BCAS3: variants seen among roughly 807,000 people sequenced by gnomAD.
BCAS3 encodes the protein BCAS4/BCAS3 fusion.
Under a neutral mutation model 116.1 loss-of-function variants are expected in BCAS3, and 53 were observed. The observed-to-expected ratio is 0.46, with a 90% confidence interval of 0.37 to 0.57. The LOEUF (loss-of-function observed/expected upper bound fraction) is 0.57. Ranked by LOEUF, BCAS3 falls within the 20% of genes least tolerant of loss-of-function variation. BCAS3 has a pLI of 0.00. For missense variants in BCAS3, 917 were observed against 1,165.4 expected, an observed-to-expected ratio of 0.79 and a Z score of 3.10; for synonymous variants, 391 against 408.2, an observed-to-expected ratio of 0.96 and a Z score of 0.51.
intron 7 of BCAS3, among the ~76,000 whole-genome samples, chr17:60,824,496 G>C (rs1598963520): frequency 6.6e-6 from 1 of 152,082 alleles, no homozygotes; most frequent in Non-Finnish European, 1.5e-5. Flanking sequence ...TTCCCTAGTA[G>C]CCCAGGCTTT....
intron 5 of BCAS3, among the ~76,000 whole-genome samples, chr17:60,718,875 CATG>C (rs2144077170): frequency 6.6e-6 from 1 of 152,172 alleles, no homozygotes; most frequent in Non-Finnish European, 1.5e-5. Flanking sequence ...TCCTGGCTAA[CATG>C]GTGAAACGCA....
chr17:61,254,018 G>A (rs982591058), intron 22 of BCAS3, among the ~76,000 whole-genome samples: 3 of 152,004 alleles, frequency 2.0e-5, no homozygotes, highest in Non-Finnish European at 4.4e-5. Context: ...AATTCCTTTA[G>A]CCTTTCTTCT....
chr17:60,932,673 C>T (rs761897201), intron 13 of BCAS3, among the ~76,000 whole-genome samples: 6 of 129,310 alleles, frequency 4.6e-5, no homozygotes, highest in Non-Finnish European at 7.8e-5. Flanking sequence ...ACTTGGGAGG[C>T]GGAGCTTGCA....
chr17:60,695,050 G>A (rs2035397718), intron 4 of BCAS3, among the ~76,000 whole-genome samples: 1 of 151,012 alleles, frequency 6.6e-6, no homozygotes, highest in Admixed American at 6.6e-5. Context: ...GTTCATTCAT[G>A]TTGTAGCATG....
chr17:61,370,522 A>G (rs1195520443), intron 23 of BCAS3, among the ~76,000 whole-genome samples: 2 of 152,018 alleles, frequency 1.3e-5, no homozygotes, highest in East Asian at 3.9e-4. Flanking sequence ...CTGAGTAGCT[A>G]TGATTACAGG....
At position 61,140,943 on chromosome 17, in the gene BCAS3, G is replaced by A. The variant is rs942587983; in HGVS notation, c.2425+56379G>A. Reference sequence around the variant, plus strand: ...CCCTGTGCTCTTTGTCCATTTGAGTGTTTTTTTTTTCCCCCAAAAGTATAA... The same window carrying A: ...CCCTGTGCTCTTTGTCCATTTGAGTATTTTTTTTTTCCCCCAAAAGTATAA... On this transcript the variant is annotated intron_variant, in intron 22 of 23. Coordinates refer to ENST00000407086, the MANE Select transcript of BCAS3 (RefSeq NM_017679.5). This position sits in a 1 kb window ranked among gnomAD's most constrained non-coding sequence, Gnocchi z 4.2. Among the ~76,000 whole-genome samples the A allele has an allele frequency of 1.4e-5, 2 of 148,018 alleles. No individual in the cohort carries two copies. Among genetic ancestry groups the A allele is most frequent in the African/African-American group, 5.0e-5 (2 of 40,268 alleles).
chr17:60,784,454 A>G (rs1375961423), intron 6 of BCAS3, among the ~76,000 whole-genome samples: 2 of 142,640 alleles, frequency 1.4e-5, no homozygotes, highest in African/African-American at 6.1e-5. Context: ...GCCCGCCACC[A>G]TGCCCGGATA....
chr17:61,081,867 T>C (rs1441483683), intron 21 of BCAS3, among the ~76,000 whole-genome samples: 1 of 152,228 alleles, frequency 6.6e-6, no homozygotes, highest in African/African-American at 2.4e-5. Context: ...ACCATTGGCT[T>C]TACTTTCTCT....
chr17:61,110,036 T>C (rs1309240269), intron 22 of BCAS3, among the ~76,000 whole-genome samples: 1 of 152,210 alleles, frequency 6.6e-6, no homozygotes, highest in Non-Finnish European at 1.5e-5. Context: ...CTAGAAGGGT[T>C]TCTTCTGATG....
At chr17:61,375,613 A>C (rs1458055325) in intron 23 of BCAS3, among the ~76,000 whole-genome samples, 3 of 143,454 alleles carry the variant, frequency 2.1e-5, no homozygotes, top group African/African-American at 7.9e-5. Context: ...TCTGTCACCC[A>C]GACTAGAGTG....
At chr17:60,983,020 A>G (rs1230090787) in intron 14 of BCAS3, among the ~76,000 whole-genome samples, 1 of 152,152 alleles carries the variant, frequency 6.6e-6, no homozygotes. Flanking sequence ...TTGACTAGTG[A>G]GTGTCTTAAA....
rs1462559315 is a variant in BCAS3, at chr17:60,962,365, A to G, written c.1221+15013A>G. Among the ~76,000 whole-genome samples the G allele has an allele frequency of 6.6e-6, 1 of 152,124 alleles. No individual in the cohort carries two copies. Among genetic ancestry groups the G allele is most frequent in the Non-Finnish European group, 1.5e-5 (1 of 68,004 alleles). ...ATCTTTTATTGATTGTCCTTTTGAT[A>G]CAAGCCATTTTTACTAGGGTGAGAT... On this transcript the variant is annotated intron_variant, in intron 14 of 23. Coordinates refer to ENST00000407086, the MANE Select transcript of BCAS3 (RefSeq NM_017679.5). This position sits in a 1 kb window ranked among gnomAD's most constrained non-coding sequence, Gnocchi z 4.4.
intron 6 of BCAS3, among the ~76,000 whole-genome samples, chr17:60,766,287 C>T (rs1461352937): frequency 1.3e-5 from 2 of 152,162 alleles, no homozygotes; most frequent in Non-Finnish European, 2.9e-5. Flanking sequence ...TTAGAATTTT[C>T]AGCTTTTCTG....
chr17:61,287,815 C>A (rs781559460), intron 22 of BCAS3, among the ~76,000 whole-genome samples: 17 of 152,148 alleles, frequency 1.1e-4, no homozygotes, highest in Admixed American at 5.2e-4. Context: ...GTAATAACAA[C>A]AATAGGATAT....
intron 18 of BCAS3, among the ~76,000 whole-genome samples, chr17:61,038,850 A>G (rs911040703): frequency 6.6e-6 from 1 of 151,594 alleles, no homozygotes; most frequent in Non-Finnish European, 1.5e-5. Context: ...TAGTAGAGAT[A>G]GGGTTTCACC....
chr17:61,370,502 C>T (rs948606689), intron 23 of BCAS3, among the ~76,000 whole-genome samples: 1 of 152,144 alleles, frequency 6.6e-6, no homozygotes, highest in Admixed American at 6.5e-5. Flanking sequence ...AATTCTCCTG[C>T]CTCAGCCTCC....
chr17:60,729,327 T>C (rs1415934941), intron 5 of BCAS3, among the ~76,000 whole-genome samples: 1 of 151,824 alleles, frequency 6.6e-6, no homozygotes, highest in Non-Finnish European at 1.5e-5. Flanking sequence ...TTTTTTTTTT[T>C]TTTTTAAGAT....
At chr17:61,262,514 G>A (rs892244362) in intron 22 of BCAS3, among the ~76,000 whole-genome samples, 1 of 152,004 alleles carries the variant, frequency 6.6e-6, no homozygotes, top group African/African-American at 2.4e-5. Context: ...CCAAGTAGCT[G>A]GGATTACAGG....
Position 61,140,015 on chromosome 17 carries a change from C to G in BCAS3, c.2425+55451C>G, listed in dbSNP as rs1464891494. 6.6e-6 allele frequency among the ~76,000 whole-genome samples: 1 copy of G among 152,128 alleles called. No homozygotes were observed. Among genetic ancestry groups the G allele is most frequent in the African/African-American group, 2.4e-5 (1 of 41,424 alleles). On this transcript the variant is annotated intron_variant, in intron 22 of 23. Coordinates refer to ENST00000407086, the MANE Select transcript of BCAS3 (RefSeq NM_017679.5). This position sits in a 1 kb window ranked among gnomAD's most constrained non-coding sequence, Gnocchi z 4.2. ...CTTTGGGAGGCCGAGGTGGATAGAT[C>G]ACTTGAGGTCAGGAGTTCGAGGTCA...
Sources: allele counts gnomAD v4.1 joint callset (sites outside exome capture counted in the v4.1 genomes callset), GRCh38; gene constraint gnomAD v4.1.1; non-coding constraint Gnocchi (gnomAD v3.1); transcripts MANE v1.5; gene names NCBI Gene and HGNC (gene_info 2026-07-23, HGNC 2026-07-21).